The following AAMDC variants were observed in gnomAD, a reference collection of about 807,000 sequenced individuals.
AAMDC encodes the protein mth938 domain-containing protein.
A neutral mutation model predicts 15.5 loss-of-function variants in AAMDC; 16 were observed. The ratio of observed to expected loss-of-function variants is 1.03; its 90% CI spans 0.70 to 1.57. The LOEUF is 1.57. Ranked by LOEUF, AAMDC falls within the 40% of genes most tolerant of loss-of-function variation. AAMDC has a pLI of 0.00. For synonymous variants in AAMDC, 51 were observed against 51.6 expected (o/e 0.99, Z 0.05); for missense variants, 141 against 144.9 (o/e 0.97, Z 0.14).
In AAMDC at chr11:77,823,984, C is replaced by T. The variant is rs567370422; in HGVS notation, c.-19+2743C>T. Among the ~76,000 whole-genome samples, 6 of 151,976 alleles carry T rather than the reference C, an allele frequency of 3.9e-5. No homozygotes were observed. The South Asian group carries it at 1.2e-3, about 32-fold the overall frequency. On this transcript the variant is annotated intron_variant, in intron 1 of 3. Transcript: ENST00000393427. ...CTGCTCACACTGTTAGTCAAACAGA[C>T]TGATAAATAAAGGTTAGAGTTTCTG...
Position 77,826,881 on chromosome 11 carries a change from G to T in AAMDC, c.-19+5640G>T, listed in dbSNP as rs534073666. 9.2e-5 allele frequency among the ~76,000 whole-genome samples: 14 copies of T among 152,314 alleles called. No individual in the cohort carries two copies. The South Asian group carries it at 2.7e-3, about 29-fold the overall frequency. ...GCACTTTGAGAGGCCGAGGTGGGCA[G>T]AACACCTGAGGTCAGAAGTTCGAGA... On this transcript the variant is annotated intron_variant, in intron 1 of 3. Coordinates refer to ENST00000393427, the MANE Select transcript of AAMDC (RefSeq NM_024684.4).
At chr11:77,863,174 C>T (rs956943007) in intron 2 of AAMDC, among the ~76,000 whole-genome samples, 1 of 152,116 alleles carries the variant, frequency 6.6e-6, no homozygotes, top group Non-Finnish European at 1.5e-5. Context: ...ACCGTGGAAC[C>T]CAGTGACTAG....
intron 5 of AAMDC, among the ~76,000 whole-genome samples, chr11:77,898,442 G>A (rs562760841): frequency 2.4e-4 from 37 of 152,148 alleles, no homozygotes; most frequent in African/African-American, 8.7e-4. Flanking sequence ...GATTACAGGC[G>A]TGAGCCACTG....
intron 5 of AAMDC, among the ~76,000 whole-genome samples, chr11:77,897,273 A>G (rs1417057731): frequency 1.3e-5 from 2 of 151,866 alleles, no homozygotes; most frequent in Admixed American, 6.5e-5. Context: ...GTGGAAGGAC[A>G]CTTTGAGTTC....
At position 77,858,403 on chromosome 11, in the gene AAMDC, C is replaced by CTCGAATGCT. The variant is rs1565208646; in HGVS notation, c.133-11319_133-11318insTCGAATGCT. Among the ~76,000 whole-genome samples the CTCGAATGCT allele has an allele frequency of 2.3e-3, 333 of 146,560 alleles. 2 individuals carry two copies. The highest frequency in any genetic ancestry group is 8.3e-3 in the African/African-American group (325 of 39,224). On this transcript the variant is annotated intron_variant, in intron 2 of 3. Transcript: ENST00000393427. ...GAGACCCAAAGAGGGTTGCCATTGC[C>CTCGAATGCT]GGCTCGAATGCCTGCTGTGCTCTCA...
At chr11:77,894,256 A>G (rs2136406696) in intron 5 of AAMDC, 1 of 1,185,834 alleles carries the variant, frequency 8.4e-7, no homozygotes, top group Non-Finnish European at 1.2e-6. Flanking sequence ...TGTAACCAAG[A>G]TTTAATAAGC....
At chr11:77,880,840 G>A (rs938852589) in intron 5 of AAMDC, among the ~76,000 whole-genome samples, 2 of 151,976 alleles carry the variant, frequency 1.3e-5, no homozygotes, top group African/African-American at 2.4e-5. Flanking sequence ...GTTACTAGGG[G>A]GACTGAGGTG....
intron 1 of AAMDC, chr11:77,831,860 TAA>T (rs1949442005): frequency 7.4e-6 from 1 of 135,280 alleles, no homozygotes; most frequent in Admixed American, 8.4e-5. Flanking sequence ...CATGCCTGGC[TAA>T]TTTTTTTTTT....
intron 1 of AAMDC, among the ~76,000 whole-genome samples, chr11:77,822,286 C>T (rs1213106510): frequency 2.0e-5 from 3 of 151,596 alleles, no homozygotes; most frequent in African/African-American, 7.3e-5. Flanking sequence ...GTAAAAATAA[C>T]GAAAATTAGC....
chr11:77,884,996 G>C (rs1233937257), intron 5 of AAMDC: 2 of 184,064 alleles, frequency 1.1e-5, no homozygotes, highest in African/African-American at 2.3e-5. Flanking sequence ...TTGACCTCAA[G>C]TGATCCTCCT....
At chr11:77,902,177 C>A (rs1486910183), downstream of AAMDC, among the ~76,000 whole-genome samples, 2 of 152,186 alleles carry the variant, frequency 1.3e-5, no homozygotes, top group African/African-American at 4.8e-5. Context: ...GACTCTCTTA[C>A]AATTGGCAAT....
chr11:77,855,008 A>G (rs12420290), intron 2 of AAMDC, among the ~76,000 whole-genome samples: 21,912 of 152,214 alleles, frequency 0.14, 1,795 homozygotes, highest in Admixed American at 0.2. Flanking sequence ...ACCAAGGCCT[A>G]TGGCTTGCAC....
chr11:77,835,542 G>A (rs1232486267), intron 1 of AAMDC, among the ~76,000 whole-genome samples: 3 of 152,196 alleles, frequency 2.0e-5, no homozygotes, highest in Admixed American at 2.0e-4. Flanking sequence ...AAGCAGCAGT[G>A]ACATTTTATC....
chr11:77,879,574 T>C (rs1447889721), intron 5 of AAMDC, among the ~76,000 whole-genome samples: 2 of 152,176 alleles, frequency 1.3e-5, no homozygotes, highest in African/African-American at 4.8e-5. Context: ...GAGGAAGCCT[T>C]TGAATAGGAA....
intron 5 of AAMDC, among the ~76,000 whole-genome samples, chr11:77,893,683 A>C (rs925133498): frequency 6.6e-6 from 1 of 152,140 alleles, no homozygotes; most frequent in African/African-American, 2.4e-5. Context: ...ACTTGAGGTC[A>C]GGAGTTAGAG....
intron 2 of AAMDC, among the ~76,000 whole-genome samples, chr11:77,857,862 A>G (rs977699337): frequency 6.6e-6 from 1 of 151,834 alleles, no homozygotes; most frequent in Non-Finnish European, 1.5e-5. Context: ...ATGCCCTGCT[A>G]ATTTTTGTAT....
At chr11:77,864,401 C>T (rs888518570) in intron 2 of AAMDC, among the ~76,000 whole-genome samples, 1 of 151,850 alleles carries the variant, frequency 6.6e-6, no homozygotes, top group Non-Finnish European at 1.5e-5. Context: ...GATCAAGCCA[C>T]TGCACTCCAG....
chr11:77,856,059 A>C (rs979633439), intron 2 of AAMDC, among the ~76,000 whole-genome samples: 1 of 152,126 alleles, frequency 6.6e-6, no homozygotes, highest in African/African-American at 2.4e-5. Flanking sequence ...GCAGAGTTGC[A>C]GTGAGCTGAG....
At chr11:77,879,184 G>A in intron 5 of AAMDC, 3 of 1,575,948 alleles carry the variant, frequency 1.9e-6, no homozygotes, top group East Asian at 2.2e-5. Flanking sequence ...GAATGAGGAT[G>A]AAATGTGAAG....
Sources: allele counts gnomAD v4.1 joint callset (sites outside exome capture counted in the v4.1 genomes callset), GRCh38; gene constraint gnomAD v4.1.1; transcripts MANE v1.5; gene names NCBI Gene and HGNC (gene_info 2026-07-23, HGNC 2026-07-21).